The following ZNF333 variants were observed in gnomAD, a reference collection of about 807,000 sequenced individuals.
ZNF333 encodes the protein zinc finger protein 333.
ZNF333 carries 61 observed loss-of-function variants against 76.1 expected under a neutral mutation model. That is an observed-to-expected ratio of 0.80 (90% CI 0.65 to 0.99). The LOEUF (loss-of-function observed/expected upper bound fraction) is 0.99. Among genes scored for constraint, ZNF333 ranks in the 50% least tolerant of loss-of-function variants. ZNF333 has a pLI of 0.00. For missense variants in ZNF333, 717 were observed against 822.4 expected (o/e 0.87, Z 1.57); for synonymous variants, 284 against 305.0 (o/e 0.93, Z 0.72).
At chr19:14,699,978 T>A (rs3861315) in intron 5 of ZNF333, among the ~76,000 whole-genome samples, 24,897 of 151,956 alleles carry the variant, frequency 0.16, 2,338 homozygotes, top group Middle Eastern at 0.26. Context: ...GGCACAGATA[T>A]TGGCGAGCTT....
At chr19:14,722,429 T>C (rs1357686253), downstream of ZNF333, among the ~76,000 whole-genome samples, 1 of 152,258 alleles carries the variant, frequency 6.6e-6, no homozygotes, top group African/African-American at 2.4e-5. Context: ...TGGAAAAATG[T>C]CTAAGTCCTT....
downstream of ZNF333, among the ~76,000 whole-genome samples, chr19:14,722,931 G>A (rs941301448): frequency 1.3e-5 from 2 of 152,102 alleles, no homozygotes; most frequent in Non-Finnish European, 2.9e-5. Flanking sequence ...GACTACAGGC[G>A]CATACCACCA....
intron 11 of ZNF333, among the ~76,000 whole-genome samples, chr19:14,717,950 T>C (rs922850487): frequency 2.0e-5 from 3 of 152,228 alleles, no homozygotes; most frequent in Non-Finnish European, 4.4e-5. Context: ...TTCACAGATA[T>C]GACACATACA....
In ZNF333 at chr19:14,706,744, A is replaced by C; in HGVS notation, c.482A>C (p.His161Pro). The change falls in exon 7 of 12, where the codon CAC becomes CCC. Residue 161 changes from histidine to proline, a missense_variant. By Grantham distance (77) the His-to-Pro change is moderately conservative. Coordinates refer to ENST00000292530, the MANE Select transcript of ZNF333 (RefSeq NM_032433.4). ...RVVIPVPTLG[H>P]RNPWVARDSA... is the part of the protein sequence containing the mutation. The stretch of plus-strand genomic sequence containing the variant: ...GTGATACCAGTGCCTACTCTGGGCC[A>C]CCGCAACCCATGGGTGGCCAGGGAT... The C allele has an allele frequency of 6.2e-7, 1 of 1,613,812 alleles. No individual in the cohort carries two copies. Among genetic ancestry groups the C allele is most frequent in the South Asian group, 1.1e-5 (1 of 91,038 alleles).
rs551016412 is a variant in ZNF333, at chr19:14,717,673, C to G, written c.840C>G (p.Pro280=). The G allele has an allele frequency of 8.7e-6, 14 of 1,614,068 alleles. No homozygotes were observed. In the East Asian group the frequency reaches 8.9e-5, roughly 10 times the overall value. Residue 280 remains proline, a synonymous_variant, in exon 11 of 12, where the codon CCC becomes CCG. Transcript: ENST00000292530. ...TCATTTCAGAACCTCAGTGTCAACC[C>G]CAAGAGGCAATTCCTAGCCAAGATA... ...SDTCAEPQCQ[P]QEAIPSQDTF...
Position 14,718,251 on chromosome 19 carries a change from A to C in ZNF333, c.924A>C (p.Lys308Asn). The C allele has an allele frequency of 1.2e-6, 2 of 1,610,474 alleles. No individual in the cohort carries two copies. Among genetic ancestry groups the C allele is most frequent in the Non-Finnish European group, 1.7e-6 (2 of 1,178,102 alleles). ...VKGEQPQPGE[K>N]LYKYNELEKP... ...AGGAGCAACCTCAGCCTGGAGAAAA[A>C]CTCTATAAATATAATGAACTTGAGA... Residue 308 changes from lysine to asparagine, a missense_variant, in exon 12 of 12, where the codon AAA (lysine) becomes AAC (asparagine). Transcript: ENST00000292530.
intron 5 of ZNF333, among the ~76,000 whole-genome samples, chr19:14,699,974 G>A (rs1046713848): frequency 6.6e-6 from 1 of 151,932 alleles, no homozygotes; most frequent in East Asian, 1.9e-4. Flanking sequence ...CACTGGCACA[G>A]ATATTGGCGA....
chr19:14,717,570 C>A, intron 10 of ZNF333, 87 bp from the exon 11 acceptor site: 1 of 1,174,470 alleles, frequency 8.5e-7, no homozygotes, highest in Non-Finnish European at 1.3e-6. Flanking sequence ...AAAAAGTCCA[C>A]ATGTGCCTTG....
intron 11 of ZNF333, 53 bp downstream of exon 11, chr19:14,717,786 G>C: frequency 6.4e-7 from 1 of 1,564,266 alleles, no homozygotes; most frequent in Non-Finnish European, 8.8e-7. Context: ...TGAGTCTGGG[G>C]TTAACCGTAA....
chr19:14,726,952 T>C (rs1456182425), intron 11 of ZNF333, among the ~76,000 whole-genome samples: 1 of 152,012 alleles, frequency 6.6e-6, no homozygotes, highest in Non-Finnish European at 1.5e-5. Flanking sequence ...TTTCAGAAAT[T>C]TTCTGTATTA....
rs897672327 is a variant in ZNF333 at position 14,708,904 on chromosome 19, A to T, written c.511+2131A>T. ...TCCCTCTGTCCATGTCTGTGTCCAA[A>T]TGTCGTCTTCTTGTGATAGGGTTTG... is the stretch of plus-strand genomic sequence containing the variant. On this transcript the variant is annotated intron_variant, in intron 7 of 11. Transcript: ENST00000292530. The T allele has an allele frequency of 3.3e-5, 5 of 152,190 alleles. No homozygotes were observed. In the East Asian group the frequency reaches 5.8e-4, roughly 18 times the overall value. The allele number at this position is 152,190 out of a possible 1,614,324, so 9.4% of individuals were successfully genotyped here.
chr19:14,690,719 T>C (rs1972700494), intron 1 of ZNF333, among the ~76,000 whole-genome samples: 1 of 152,230 alleles, frequency 6.6e-6, no homozygotes, highest in African/African-American at 2.4e-5. Context: ...TTGAAGTCTT[T>C]TAGCTTAATA....
chr19:14,727,447 G>A (rs2042641030), intron 11 of ZNF333, among the ~76,000 whole-genome samples: 1 of 152,156 alleles, frequency 6.6e-6, no homozygotes, highest in African/African-American at 2.4e-5. Context: ...AGCAAAGCGG[G>A]AGCAGGCACA....
intron 7 of ZNF333, 24 bp from the exon 8 acceptor site, chr19:14,715,358 C>T (rs1046872450): frequency 1.2e-6 from 2 of 1,609,674 alleles, no homozygotes. Context: ...CACCAACCCT[C>T]ATGCCTCTTC....
At position 14,721,008 on chromosome 19, in the gene ZNF333, A is replaced by G; in HGVS notation, c.*1683A>G. ...TAAAGTGATCATCCTTTTCCCTATT[A>G]CTGAACATTCAACCATTCATTGTAA... On this transcript the variant is annotated 3_prime_UTR_variant, in exon 12 of 12. Coordinates refer to ENST00000292530, the MANE Select transcript of ZNF333 (RefSeq NM_032433.4). 1.1e-6 allele frequency: 1 copy of G among 892,928 alleles called. No homozygotes were observed. The highest frequency in any genetic ancestry group is 1.3e-6 in the Non-Finnish European group (1 of 745,974). 55.3% of individuals were successfully genotyped at this position (892,928 alleles called of 1,614,324 possible).
downstream of ZNF333, among the ~76,000 whole-genome samples, chr19:14,723,043 CCCA>C: frequency 6.6e-6 from 1 of 152,290 alleles, no homozygotes; most frequent in Middle Eastern, 3.4e-3. Context: ...GCCTTAGCCT[CCCA>C]AAGTGCTGGG....
chr19:14,693,979 C>T (rs28515560), intron 2 of ZNF333, among the ~76,000 whole-genome samples: 13 of 59,716 alleles, frequency 2.2e-4, no homozygotes, highest in African/African-American at 7.8e-4. Context: ...AACCTTGTCT[C>T]TAAAAAAAAA....
At chr19:14,732,987 G>A (rs1340589376) in exon 12 of ZNF333, 4 of 152,118 alleles carry the variant, frequency 2.6e-5, no homozygotes, top group Non-Finnish European at 4.4e-5. Context: ...ATGGGGATAT[G>A]GGCTCTACAC....
chr19:14,706,680 G>A lies in ZNF333; in HGVS notation c.424-6G>A, dbSNP rs1361102976. The A allele has an allele frequency of 6.2e-7, 1 of 1,613,518 alleles. No homozygotes were observed. The highest frequency in any genetic ancestry group is 2.2e-5 in the East Asian group (1 of 44,872). On this transcript the variant is annotated splice_polypyrimidine_tract_variant and splice_region_variant and intron_variant, in intron 6 of 11. Coordinates refer to ENST00000292530, the MANE Select transcript of ZNF333 (RefSeq NM_032433.4). The stretch of plus-strand genomic sequence containing the variant: ...TCTAATCTGTGACCCCTGTCACTCT[G>A]TCCAGGGACTGAAGGCCGCTATGCA...
Sources: gnomAD v4.1 joint callset for allele counts (sites outside exome capture counted in the v4.1 genomes callset) on GRCh38, gnomAD v4.1.1 for gene constraint, MANE v1.5 for transcripts, NCBI Gene and HGNC (gene_info 2026-07-23, HGNC 2026-07-21) for gene names.